Variants in GRIP1 observed in about 807,000 individuals in gnomAD.
GRIP1 encodes glutamate receptor-interacting protein 1.
GRIP1 carries 45 observed loss-of-function variants against 129.9 expected under a neutral mutation model. The ratio of observed to expected loss-of-function variants is 0.35; its 90% CI spans 0.27 to 0.44. The LOEUF (loss-of-function observed/expected upper bound fraction) is 0.44, where lower values mean the gene tolerates loss of function less well. GRIP1 is among the 20% of genes least tolerant of loss of function. The probability of loss-of-function intolerance (pLI) is 1.00; values close to 1 mark genes in which losing one functional copy is unlikely to be tolerated. For missense variants in GRIP1, 1,196 were observed against 1,396.8 expected, an observed-to-expected ratio of 0.86 and a Z score of 2.29; for synonymous variants, 530 against 520.8, an observed-to-expected ratio of 1.02 and a Z score of -0.24.
chr12:66,451,383 G>GTTTGTTTTTTTTTTTT (rs2058794233), intron 11 of GRIP1, among the ~76,000 whole-genome samples: 13 of 42,650 alleles, frequency 3.0e-4, no homozygotes, highest in Non-Finnish European at 4.6e-4. Flanking sequence ...ATTATAATCT[G>GTTTGTTTTTTTTTTTT]TTTTTTTTTT....
intron 13 of GRIP1, among the ~76,000 whole-genome samples, chr12:66,435,202 A>ATT (rs35281910): frequency 0.34 from 47,609 of 139,366 alleles, 8,646 homozygotes; most frequent in East Asian, 0.45. Context: ...ACGTGTGACC[A>ATT]TTTTTTTTTT....
intron 7 of GRIP1, among the ~76,000 whole-genome samples, chr12:66,466,147 C>A (rs1239210380): frequency 2.0e-5 from 3 of 152,256 alleles, no homozygotes; most frequent in African/African-American, 7.2e-5. Flanking sequence ...TCAATGCCAA[C>A]ATCAATTCCT....
rs540254233 is a variant in GRIP1, at chr12:66,902,169, C to T, written c.58+166881G>A. Among the ~76,000 whole-genome samples the T allele has an allele frequency of 7.2e-5, 11 of 152,278 alleles. No homozygotes were observed. In the South Asian group the frequency reaches 1.4e-3, roughly 20 times the overall value. On this transcript the variant is annotated intron_variant, in intron 1 of 1. Transcript: ENST00000643019. ...GATGATACACAGCAAGCACCTGGCACTTAGCAGATATTCAACAAGTGTTAG... is the reference window on the plus strand; with the variant it reads ...GATGATACACAGCAAGCACCTGGCATTTAGCAGATATTCAACAAGTGTTAG...
chr12:66,494,183 G>C (rs1243079350), intron 7 of GRIP1, among the ~76,000 whole-genome samples: 1 of 152,062 alleles, frequency 6.6e-6, no homozygotes, highest in African/African-American at 2.4e-5. Flanking sequence ...TTGATGTTCT[G>C]GGATTTTCCT....
At chr12:66,562,638 C>T (rs1442170668) in intron 2 of GRIP1, among the ~76,000 whole-genome samples, 7 of 152,132 alleles carry the variant, frequency 4.6e-5, no homozygotes, top group Admixed American at 4.6e-4. Context: ...CCCATATTTA[C>T]AGTAGAAGGA....
intron 5 of GRIP1, among the ~76,000 whole-genome samples, chr12:66,525,299 A>G (rs1371987293): frequency 7.9e-5 from 12 of 152,170 alleles, no homozygotes; most frequent in South Asian, 4.1e-4. Flanking sequence ...CTGGCAAACC[A>G]AATCCAGCAG....
chr12:66,489,101 C>T (rs2060035907), intron 7 of GRIP1, among the ~76,000 whole-genome samples: 1 of 152,102 alleles, frequency 6.6e-6, no homozygotes, highest in Non-Finnish European at 1.5e-5. Context: ...AAAGGAGGGG[C>T]TCCTTCCTAA....
At chr12:66,784,336 A>T (rs1271344669) in intron 1 of GRIP1, among the ~76,000 whole-genome samples, 1 of 152,172 alleles carries the variant, frequency 6.6e-6, no homozygotes, top group Non-Finnish European at 1.5e-5. Flanking sequence ...AACATTGATT[A>T]TCTATTATTT....
At chr12:66,988,226 C>G (rs2042342396) in intron 1 of GRIP1, among the ~76,000 whole-genome samples, 1 of 152,100 alleles carries the variant, frequency 6.6e-6, no homozygotes, top group African/African-American at 2.4e-5. Flanking sequence ...CCACTTATTC[C>G]TTGATCAATA....
chr12:66,479,449 G>A (rs868757278), intron 7 of GRIP1, among the ~76,000 whole-genome samples: 19 of 152,086 alleles, frequency 1.2e-4, no homozygotes, highest in African/African-American at 4.6e-4. Context: ...CCAAAAAAAA[G>A]CCCAGGACTG....
chr12:66,698,242 C>T (rs1450406674), intron 1 of GRIP1, among the ~76,000 whole-genome samples: 1 of 152,076 alleles, frequency 6.6e-6, no homozygotes, highest in East Asian at 1.9e-4. Flanking sequence ...ATTAACATGT[C>T]AAAAATGTAA....
chr12:66,598,911 T>G (rs1309072667), intron 1 of GRIP1, among the ~76,000 whole-genome samples: 1 of 152,186 alleles, frequency 6.6e-6, no homozygotes, highest in African/African-American at 2.4e-5. Context: ...AATAAGAGAT[T>G]TTCCCAGGAG....
At chr12:66,682,353 G>A (rs1203146293), upstream of GRIP1, among the ~76,000 whole-genome samples, 1 of 152,156 alleles carries the variant, frequency 6.6e-6, no homozygotes, top group African/African-American at 2.4e-5. Flanking sequence ...AGTGTTTACA[G>A]GAATCCCTTC....
At position 66,494,537 on chromosome 12, in the gene GRIP1, T is replaced by A. The variant is rs138541575; in HGVS notation, c.724+21082A>T. Among the ~76,000 whole-genome samples, 485 of 152,276 alleles carry A rather than the reference T, an allele frequency of 3.2e-3. 4 individuals carry two copies. Among genetic ancestry groups the A allele is most frequent in the African/African-American group, 0.011 (452 of 41,560 alleles). On this transcript the variant is annotated intron_variant, in intron 7 of 24. Coordinates refer to ENST00000359742, the MANE Select transcript of GRIP1 (RefSeq NM_001366722.1). ...ACTACATGGTCTGTGTGAATTTGAA[T>A]AAATTAATTTCTTCAAGACACAGTT...
At chr12:67,030,961 G>C (rs918806542) in intron 1 of GRIP1, among the ~76,000 whole-genome samples, 1 of 152,050 alleles carries the variant, frequency 6.6e-6, no homozygotes, top group Admixed American at 6.6e-5. Flanking sequence ...CAGAGCTGGA[G>C]ATGATAGGGA....
At chr12:66,956,600 A>G (rs541880763) in intron 1 of GRIP1, among the ~76,000 whole-genome samples, 2 of 152,340 alleles carry the variant, frequency 1.3e-5, no homozygotes, top group South Asian at 2.1e-4. Flanking sequence ...AAGCCACCAC[A>G]CAATTAATAA....
At chr12:66,773,808 A>G (rs1445476457) in intron 1 of GRIP1, among the ~76,000 whole-genome samples, 1 of 152,182 alleles carries the variant, frequency 6.6e-6, no homozygotes, top group Admixed American at 6.5e-5. Context: ...AAGCAAACAG[A>G]AGTATTAAAC....
At position 66,771,841 on chromosome 12, in the gene GRIP1, T is replaced by A. The variant is rs185335136; in HGVS notation, c.-420+32212A>T. ...GCCACATACAGCCAAAAGTCTCAGATCTAAATGAGGTTACATCTGTGGAGG... is the reference window on the plus strand; with the variant it reads ...GCCACATACAGCCAAAAGTCTCAGAACTAAATGAGGTTACATCTGTGGAGG... On this transcript the variant is annotated intron_variant, in intron 1 of 4. Coordinates refer to the GRIP1 transcript ENST00000538373. 3.5e-3 allele frequency among the ~76,000 whole-genome samples: 526 copies of A among 152,296 alleles called. 8 individuals carry two copies. Among genetic ancestry groups the A allele is most frequent in the Non-Finnish European group, 2.4e-3 (164 of 68,028 alleles).
At chr12:66,746,538 A>G (rs1341718034) in intron 1 of GRIP1, among the ~76,000 whole-genome samples, 2 of 152,130 alleles carry the variant, frequency 1.3e-5, no homozygotes, top group Non-Finnish European at 2.9e-5. Flanking sequence ...AGGGCAAGAA[A>G]GCTGTTGTTA....
Sources: allele counts gnomAD v4.1 joint callset (sites outside exome capture counted in the v4.1 genomes callset), GRCh38; gene constraint gnomAD v4.1.1; transcripts MANE v1.5; gene names NCBI Gene and HGNC (gene_info 2026-07-23, HGNC 2026-07-21).